Variants in CFAP54 observed in about 807,000 individuals in gnomAD.
The protein encoded by CFAP54 is cilia and flagella associated protein 54, also known as cilia- and flagella-associated protein 54.
Under a neutral mutation model 370.4 loss-of-function variants are expected in CFAP54, and 290 were observed. The observed-to-expected ratio is 0.78, with a 90% CI of 0.71 to 0.86. The LOEUF (loss-of-function observed/expected upper bound fraction) is 0.86. CFAP54 is among the 40% of genes least tolerant of loss of function. The pLI, the probability that CFAP54 is intolerant of heterozygous loss-of-function variation, is 0.00. For missense variants in CFAP54, 3,399 were observed against 3,528.7 expected (o/e 0.96, Z 0.93); for synonymous variants, 1,206 against 1,236.5 (o/e 0.98, Z 0.52).
At chr12:96,757,452 C>A in intron 57 of CFAP54, 43 bp from the exon 58 acceptor site, 3 of 1,114,166 alleles carry the variant, frequency 2.7e-6, no homozygotes, top group Non-Finnish European at 3.9e-6. Context: ...AATGATTATG[C>A]ATGGTGAAGC....
rs755688172 is a variant in CFAP54 at position 96,685,124 on chromosome 12, A to G, written c.5900A>G (p.Asn1967Ser). 1.1e-5 allele frequency: 17 copies of G among 1,614,134 alleles called. No individual in the cohort carries two copies. The highest frequency in any genetic ancestry group is 6.7e-5 in the East Asian group (3 of 44,884). ...TWKEFGPSLT[N>S]VTNSHSPPGF... ...AAAGAATTTGGCCCCTCACTCACCAATGTCACCAACAGTCATTCACCTCCG... is the reference window on the plus strand; with the variant it reads ...AAAGAATTTGGCCCCTCACTCACCAGTGTCACCAACAGTCATTCACCTCCG... The change falls in exon 42 of 68, where the codon AAT (asparagine) becomes AGT (serine). Residue 1967 changes from asparagine to serine, a missense_variant. Transcript: ENST00000524981.
At chr12:96,729,050 A>G (rs1221230759) in intron 50 of CFAP54, among the ~76,000 whole-genome samples, 2 of 152,098 alleles carry the variant, frequency 1.3e-5, no homozygotes, top group African/African-American at 4.8e-5. Flanking sequence ...TTTGTCTCAG[A>G]GGAGTACCCG....
At chr12:96,524,790 C>T (rs1955358611) in intron 8 of CFAP54, among the ~76,000 whole-genome samples, 1 of 152,152 alleles carries the variant, frequency 6.6e-6, no homozygotes, top group Non-Finnish European at 1.5e-5. Context: ...CCAGACTGTA[C>T]AGTTGTGCCA....
At chr12:96,557,186 T>C (rs1955762966) in intron 17 of CFAP54, among the ~76,000 whole-genome samples, 1 of 152,200 alleles carries the variant, frequency 6.6e-6, no homozygotes, top group African/African-American at 2.4e-5. Flanking sequence ...GACCACTTTC[T>C]ATCTTCAAAG....
chr12:96,839,525 C>A (rs910268557), intron 66 of CFAP54, among the ~76,000 whole-genome samples: 1 of 152,242 alleles, frequency 6.6e-6, no homozygotes, highest in Non-Finnish European at 1.5e-5. Flanking sequence ...TCGCTTTCAA[C>A]CACGCATCTT....
chr12:96,551,521 G>C (rs1955694628), intron 15 of CFAP54, among the ~76,000 whole-genome samples: 1 of 149,686 alleles, frequency 6.7e-6, no homozygotes, highest in Admixed American at 6.8e-5. Flanking sequence ...GTGTGTGTGT[G>C]TGTCTGTATG....
chr12:96,679,826 C>A, intron 40 of CFAP54, 74 bp downstream of exon 40: 1 of 1,428,584 alleles, frequency 7.0e-7, no homozygotes, highest in Non-Finnish European at 9.6e-7. Flanking sequence ...CCTCTTCTGC[C>A]CTCTCATTCT....
At chr12:96,806,137 G>C (rs1958874648) in intron 63 of CFAP54, among the ~76,000 whole-genome samples, 1 of 106,858 alleles carries the variant, frequency 9.4e-6, no homozygotes, top group African/African-American at 3.4e-5. Context: ...TACTCTAAAA[G>C]CCAAGACTTT....
At chr12:96,735,690 GGA>G (rs1361191610) in intron 50 of CFAP54, among the ~76,000 whole-genome samples, 1 of 152,176 alleles carries the variant, frequency 6.6e-6, no homozygotes, top group Non-Finnish European at 1.5e-5. Flanking sequence ...AGTGGATGTG[GGA>G]GAGATAGGGT....
intron 6 of CFAP54, 101 bp from the exon 7 acceptor site, chr12:96,521,756 C>G: frequency 2.3e-6 from 2 of 851,650 alleles, no homozygotes; most frequent in South Asian, 4.1e-5. Flanking sequence ...GAGCTTAATT[C>G]ACAGATTAAA....
intron 19 of CFAP54, among the ~76,000 whole-genome samples, chr12:96,565,742 T>C (rs1189349807): frequency 6.6e-6 from 1 of 152,156 alleles, no homozygotes; most frequent in East Asian, 1.9e-4. Context: ...CATCTTTTGA[T>C]ACAGAAGGGA....
chr12:96,602,538 C>G (rs1336064598), intron 26 of CFAP54, among the ~76,000 whole-genome samples: 1 of 152,132 alleles, frequency 6.6e-6, no homozygotes, highest in Non-Finnish European at 1.5e-5. Context: ...ATTGATCAGT[C>G]TAATATTGAC....
chr12:96,819,734 T>C lies in CFAP54; in HGVS notation c.9096+1821T>C, dbSNP rs532172563. ...GACTTGTCTTTTATTCTTTATATTT[T>C]CTCAGTCATTACATCAGAACTTTCA... On this transcript the variant is annotated intron_variant, in intron 65 of 67. Transcript: ENST00000524981. Among the ~76,000 whole-genome samples, 230 of 152,344 alleles carry C rather than the reference T, an allele frequency of 1.5e-3. 3 individuals are homozygous for C. Among genetic ancestry groups the C allele is most frequent in the Non-Finnish European group, 1.9e-3 (128 of 68,030 alleles).
intron 60 of CFAP54, among the ~76,000 whole-genome samples, chr12:96,766,577 G>A (rs1958403849): frequency 6.6e-6 from 1 of 152,136 alleles, no homozygotes; most frequent in Admixed American, 6.6e-5. Context: ...AAGAGATTCA[G>A]TTGACATCCT....
chr12:96,699,978 T>C lies in CFAP54; in HGVS notation c.6359T>C (p.Val2120Ala), dbSNP rs1192102422. 6.4e-7 allele frequency: 1 copy of C among 1,570,404 alleles called. No individual in the cohort carries two copies. Among genetic ancestry groups the C allele is most frequent in the Non-Finnish European group, 8.7e-7 (1 of 1,150,152 alleles). Residue 2120 changes from valine to alanine, a missense_variant, in exon 46 of 68, where the codon GTC becomes GCC. Physicochemically the swap from Val to Ala is moderately conservative, Grantham distance 64. This residue lies in a region of CFAP54 where 2,796 missense variants were observed against 2,869.7 expected (regional missense o/e 0.97). Coordinates refer to ENST00000524981, the MANE Select transcript of CFAP54 (RefSeq NM_001306084.2). Reference protein sequence around the residue: ...NLEARILKIEVLIDLRFFSEA... With the variant: ...NLEARILKIEALIDLRFFSEA... The stretch of plus-strand genomic sequence containing the variant: ...ATTTCCTTTCCTTTACAGATAGAAG[T>C]CCTTATAGATTTGAGATTCTTTTCT...
In CFAP54 at chr12:96,682,113, TTTA is replaced by T. The variant is rs1199612672; in HGVS notation, c.5716+2373_5716+2375del. 7.6e-6 allele frequency: 7 copies of T among 919,640 alleles called. No homozygotes were observed. In the African/African-American group the frequency reaches 1.1e-4, roughly 14 times the overall value. The allele number at this position is 919,640 out of a possible 1,614,324, so 57.0% of individuals were successfully genotyped here. A position where few individuals can be genotyped will look rare whatever the true frequency, so the allele number is the denominator to read the frequency against. On this transcript the variant is annotated intron_variant, in intron 40 of 67. Transcript: ENST00000524981. ...CCCTTCTTTCTACATTTTAAATTGA[TTTA>T]TTATTATTATTTTTCATGAATTTAG...
chr12:96,800,878 A>G (rs1958812714), intron 63 of CFAP54, among the ~76,000 whole-genome samples: 1 of 152,210 alleles, frequency 6.6e-6, no homozygotes, highest in African/African-American at 2.4e-5. Flanking sequence ...ATTAGTGGGC[A>G]AGGAGTCAGG....
intron 15 of CFAP54, among the ~76,000 whole-genome samples, chr12:96,548,509 G>T (rs1055440305): frequency 8.6e-5 from 13 of 151,982 alleles, no homozygotes; most frequent in Non-Finnish European, 1.6e-4. Context: ...AAAGTCCTAA[G>T]AAATGGTACC....
chr12:96,663,126 G>A (rs1421411), intron 38 of CFAP54, among the ~76,000 whole-genome samples: 128,727 of 152,078 alleles, frequency 0.85, 55,000 homozygotes, highest in African/African-American at 0.95. Context: ...AGATCAAGTA[G>A]GGCCTTATGA....
Sources: gnomAD v4.1 joint callset for allele counts (sites outside exome capture counted in the v4.1 genomes callset) on GRCh38, gnomAD v4.1.1 for gene constraint, gnomAD v4.1.1 regional missense constraint, MANE v1.5 for transcripts, NCBI Gene and HGNC (gene_info 2026-07-23, HGNC 2026-07-21) for gene names.